Variants in SLC5A1 observed in about 807,000 individuals in gnomAD.
SLC5A1 encodes sodium/glucose cotransporter 1.
SLC5A1 carries 42 observed loss-of-function variants against 73.5 expected under a neutral mutation model. The ratio of observed to expected loss-of-function variants is 0.57; its 90% CI spans 0.45 to 0.74. The LOEUF is 0.74. SLC5A1 is among the 30% of genes least tolerant of loss of function. The pLI is 0.00. For synonymous variants in SLC5A1, 300 were observed against 317.4 expected (o/e 0.95, Z 0.58); for missense variants, 634 against 855.4 (o/e 0.74, Z 3.23).
chr22:32,044,965 G>A (rs1397038739), intron 1 of SLC5A1, among the ~76,000 whole-genome samples: 1 of 152,220 alleles, frequency 6.6e-6, no homozygotes, highest in Non-Finnish European at 1.5e-5. Context: ...AAAGCCACAA[G>A]ACAGGGAAGG....
At chr22:32,101,310 G>T (rs1029187301) in intron 12 of SLC5A1, among the ~76,000 whole-genome samples, 1 of 151,494 alleles carries the variant, frequency 6.6e-6, no homozygotes, top group Non-Finnish European at 1.5e-5. Context: ...AGATAGAAAG[G>T]AAAAAAGGAA....
In SLC5A1 at chr22:32,102,049, C is replaced by G. The variant is rs752514604; in HGVS notation, c.1477C>G (p.Leu493Val). Reference protein sequence around the residue: ...PGAFWGLILGLLIGISRMITE... With the variant: ...PGAFWGLILGVLIGISRMITE... ...AGCCTTTTGGGGACTGATCCTAGGACTTCTGATTGGGATTTCACGTATGAT... is the reference window on the plus strand; with the variant it reads ...AGCCTTTTGGGGACTGATCCTAGGAGTTCTGATTGGGATTTCACGTATGAT... The change falls in exon 13 of 15, where the codon CTT becomes GTT. Residue 493 changes from leucine to valine, a missense_variant. This residue lies in a region of SLC5A1 where 422 missense variants were observed against 626.1 expected (regional missense o/e 0.67). Coordinates refer to ENST00000266088, the MANE Select transcript of SLC5A1 (RefSeq NM_000343.4). The G allele has an allele frequency of 2.5e-6, 4 of 1,614,110 alleles. No homozygotes were observed. Among genetic ancestry groups the G allele is most frequent in the Non-Finnish European group, 3.4e-6 (4 of 1,180,002 alleles).
At chr22:32,069,323 TAGG>T (rs923299415) in intron 5 of SLC5A1, among the ~76,000 whole-genome samples, 1 of 151,994 alleles carries the variant, frequency 6.6e-6, no homozygotes, top group Non-Finnish European at 1.5e-5. Context: ...TTCAGTTAGA[TAGG>T]AGGAGTAAGT....
At position 32,099,203 on chromosome 22, in the gene SLC5A1, T is replaced by C. The variant is rs202090647; in HGVS notation, c.1301T>C (p.Ile434Thr). 2.2e-5 allele frequency: 36 copies of C among 1,609,562 alleles called. No individual in the cohort carries two copies. In the East Asian group the frequency reaches 2.5e-4, roughly 11 times the overall value. ...TTCAGGTTGTTTATCCTGGTGCTGA[T>C]TGGCATCAGCATCGCCTGGGTGCCC... ...IAGRLFILVL[I>T]GISIAWVPIV... is the part of the protein sequence containing the mutation. Residue 434 changes from isoleucine to threonine, a missense_variant, in exon 12 of 15, where the codon ATT (isoleucine) becomes ACT (threonine). Coordinates refer to ENST00000266088, the MANE Select transcript of SLC5A1 (RefSeq NM_000343.4).
chr22:32,063,884 A>G (rs2093967790), intron 2 of SLC5A1, among the ~76,000 whole-genome samples: 1 of 152,086 alleles, frequency 6.6e-6, no homozygotes, highest in South Asian at 2.1e-4. Flanking sequence ...TTGTTCCCCT[A>G]ATAGAAATGA....
At chr22:32,062,410 G>T (rs1300018321) in intron 2 of SLC5A1, among the ~76,000 whole-genome samples, 1 of 152,190 alleles carries the variant, frequency 6.6e-6, no homozygotes, top group Non-Finnish European at 1.5e-5. Flanking sequence ...ATTTTGTGAT[G>T]TGACATTATG....
At chr22:32,097,664 G>A (rs2094028513) in intron 11 of SLC5A1, among the ~76,000 whole-genome samples, 1 of 152,106 alleles carries the variant, frequency 6.6e-6, no homozygotes, top group South Asian at 2.1e-4. Context: ...AAGGGAAGAA[G>A]GAGGAGAAGA....
intron 2 of SLC5A1, among the ~76,000 whole-genome samples, chr22:32,058,718 G>A (rs1186534412): frequency 1.3e-5 from 2 of 151,966 alleles, no homozygotes. Context: ...CCTATTTGAC[G>A]GACTAACCTA....
chr22:32,048,713 T>G (rs909975737), intron 1 of SLC5A1, among the ~76,000 whole-genome samples: 1 of 152,170 alleles, frequency 6.6e-6, no homozygotes, highest in Non-Finnish European at 1.5e-5. Flanking sequence ...CTGCTCTCTC[T>G]GTAAGCCTTT....
chr22:32,095,568 T>C (rs1298657464), intron 11 of SLC5A1, among the ~76,000 whole-genome samples: 1 of 152,242 alleles, frequency 6.6e-6, no homozygotes, highest in Admixed American at 6.5e-5. Flanking sequence ...ATTTTCCCCT[T>C]GGACAAGGCC....
rs767031673 is a variant in SLC5A1, at chr22:32,100,212, G to A, written c.1449+861G>A. Among the ~76,000 whole-genome samples the A allele has an allele frequency of 4.3e-4, 65 of 152,288 alleles. 1 individual carries two copies. The highest frequency in any genetic ancestry group is 2.2e-3 in the Admixed American group (33 of 15,302). ...AAGATGTGGCTGGAAAGGTAGGTCAGGGTTTCATTAACAGTGATCCCTTTG... is the reference window on the plus strand; with the variant it reads ...AAGATGTGGCTGGAAAGGTAGGTCAAGGTTTCATTAACAGTGATCCCTTTG... On this transcript the variant is annotated intron_variant, in intron 12 of 14. Transcript: ENST00000266088.
rs141587792 is a variant in SLC5A1 at position 32,074,322 on chromosome 22, G to C, written c.477+5722G>C. Among the ~76,000 whole-genome samples the C allele has an allele frequency of 4.2e-3, 633 of 152,212 alleles. 14 individuals carry two copies. Among genetic ancestry groups the C allele is most frequent in the Non-Finnish European group, 1.9e-3 (130 of 68,006 alleles). On this transcript the variant is annotated intron_variant, in intron 5 of 14. Transcript: ENST00000266088. Reference sequence around the variant, plus strand: ...TTCAAGTTACTGATTAAACCTTCTTGGACTTGGGAGCCCCCAGGGAGCTGA... The same window carrying C: ...TTCAAGTTACTGATTAAACCTTCTTCGACTTGGGAGCCCCCAGGGAGCTGA...
rs974525815 is a variant in SLC5A1 at position 32,068,549 on chromosome 22, G to C, written c.426G>C (p.Gln142His). Residue 142 changes from glutamine (Q) to histidine (H), a missense_variant, in exon 5 of 15, where the codon CAG becomes CAC. By Grantham distance (24) the Gln-to-His change is conservative (BLOSUM62 0). This residue lies in a region of SLC5A1 where 422 missense variants were observed against 626.1 expected (regional missense o/e 0.67). Coordinates refer to ENST00000266088, the MANE Select transcript of SLC5A1 (RefSeq NM_000343.4). ...LRKRFGGQRI[Q>H]VYLSLLSLLL... is the part of the protein sequence containing the mutation. ...AGCGGTTTGGAGGCCAGCGGATCCA[G>C]GTCTACCTTTCCCTTCTGTCCCTGC... 4 of 1,613,896 alleles carry C rather than the reference G, an allele frequency of 2.5e-6. No homozygotes were observed. The African/African-American group carries it at 5.3e-5, about 22-fold the overall frequency.
intron 5 of SLC5A1, among the ~76,000 whole-genome samples, chr22:32,070,837 C>T (rs2093981815): frequency 6.6e-6 from 1 of 151,560 alleles, no homozygotes; most frequent in East Asian, 1.9e-4. Flanking sequence ...TTTTTTTGTC[C>T]CCAAGGTGAC....
At chr22:32,087,931 G>A (rs1329152756) in intron 10 of SLC5A1, among the ~76,000 whole-genome samples, 1 of 152,156 alleles carries the variant, frequency 6.6e-6, no homozygotes, top group East Asian at 1.9e-4. Context: ...GCTTAACGCT[G>A]CTCAAGGCTG....
In SLC5A1 at chr22:32,112,948, A is replaced by C. The variant is rs1350041442; in HGVS notation, c.*2735A>C. The C allele has an allele frequency of 6.6e-6, 1 of 152,256 alleles. No individual in the cohort carries two copies. Among genetic ancestry groups the C allele is most frequent in the Non-Finnish European group, 1.5e-5 (1 of 68,044 alleles). 9.4% of individuals were successfully genotyped at this position (152,256 alleles called of 1,614,324 possible). On this transcript the variant is annotated 3_prime_UTR_variant, in exon 15 of 15. Coordinates refer to ENST00000266088, the MANE Select transcript of SLC5A1 (RefSeq NM_000343.4). ...AATTTAGTCATTTCACAATATGTAC[A>C]TATATAAAAATATGTTGTATGCCAT...
chr22:32,099,084 C>CAA (rs869158260), intron 11 of SLC5A1, 99 bp from the exon 12 acceptor site: 23 of 92,274 alleles, frequency 2.5e-4, no homozygotes, highest in East Asian at 1.8e-3. Flanking sequence ...GACTCTGTCT[C>CAA]AAAAAAAAAA....
chr22:32,062,190 G>C (rs949962717), intron 2 of SLC5A1, among the ~76,000 whole-genome samples: 10 of 152,158 alleles, frequency 6.6e-5, no homozygotes, highest in Admixed American at 5.2e-4. Flanking sequence ...TCTGTCACTA[G>C]AGGTATGCAT....
chr22:32,076,787 C>T (rs536455470), intron 5 of SLC5A1, among the ~76,000 whole-genome samples: 8 of 152,322 alleles, frequency 5.3e-5, no homozygotes, highest in East Asian at 1.9e-4. Flanking sequence ...AGAGCCAAGG[C>T]GAAGCAACAT....
Sources: allele counts gnomAD v4.1 joint callset (sites outside exome capture counted in the v4.1 genomes callset), GRCh38; gene constraint gnomAD v4.1.1; regional missense constraint gnomAD v4.1.1; transcripts MANE v1.5; gene names NCBI Gene and HGNC (gene_info 2026-07-23, HGNC 2026-07-21).